Variants in NAA16 observed in about 807,000 individuals in gnomAD.
NAA16 encodes the protein NARG1-like protein.
In NAA16, 97 loss-of-function variants were observed where a neutral mutation model predicts 110.3. That is an observed-to-expected ratio of 0.88 (90% CI 0.75 to 1.04). NAA16 has a LOEUF of 1.04. Ranked by LOEUF, NAA16 falls within the 50% of genes least tolerant of loss-of-function variation. The pLI, the probability that NAA16 is intolerant of heterozygous loss-of-function variation, is 0.00. For missense variants in NAA16, 1,017 were observed against 1,005.1 expected, an observed-to-expected ratio of 1.01 and a Z score of -0.16; for synonymous variants, 372 against 330.6, an observed-to-expected ratio of 1.13 and a Z score of -1.36.
chr13:41,326,690 C>T (rs1327643560), intron 6 of NAA16, among the ~76,000 whole-genome samples: 1 of 152,116 alleles, frequency 6.6e-6, no homozygotes, highest in African/African-American at 2.4e-5. Flanking sequence ...TCAACACATT[C>T]CCTGACTTCA....
intron 4 of NAA16, 25 bp from the exon 5 acceptor site, chr13:41,323,031 T>C: frequency 1.2e-6 from 2 of 1,606,578 alleles, no homozygotes; most frequent in Non-Finnish European, 8.5e-7. Context: ...AGAGAATATT[T>C]AGCAAGTTAA....
At chr13:41,337,564 G>A (rs984867275) in intron 9 of NAA16, among the ~76,000 whole-genome samples, 14 of 149,154 alleles carry the variant, frequency 9.4e-5, no homozygotes, top group African/African-American at 2.2e-4. Context: ...AAAAAATTTC[G>A]AAAATAGGCA....
At chr13:41,345,445 T>C (rs189399324) in intron 9 of NAA16, among the ~76,000 whole-genome samples, 71 of 152,350 alleles carry the variant, frequency 4.7e-4, no homozygotes, top group African/African-American at 1.6e-3. Flanking sequence ...TATTATCTTT[T>C]ATGTGCTTAT....
At chr13:41,312,670 C>G (rs1195092389) in intron 1 of NAA16, among the ~76,000 whole-genome samples, 1 of 152,086 alleles carries the variant, frequency 6.6e-6, no homozygotes, top group Admixed American at 6.5e-5. Flanking sequence ...AAATAAAATA[C>G]TAATTTTAGA....
intron 4 of NAA16, among the ~76,000 whole-genome samples, chr13:41,321,647 C>T (rs543507595): frequency 6.6e-5 from 10 of 152,268 alleles, no homozygotes; most frequent in Non-Finnish European, 1.5e-4. Context: ...AGAAGGGTTG[C>T]CATAAATCAG....
chr13:41,338,460 A>G (rs757293851), intron 9 of NAA16, among the ~76,000 whole-genome samples: 27 of 152,214 alleles, frequency 1.8e-4, no homozygotes, highest in African/African-American at 5.8e-4. Context: ...AGAATACACT[A>G]ATTCATACAG....
At chr13:41,359,994 T>C (rs2043079472) in intron 12 of NAA16, among the ~76,000 whole-genome samples, 1 of 152,142 alleles carries the variant, frequency 6.6e-6, no homozygotes, top group Admixed American at 6.6e-5. Flanking sequence ...CATGTGCCTA[T>C]AGTCCCAGCT....
chr13:41,340,555 C>CCA (rs1402891021), intron 9 of NAA16, among the ~76,000 whole-genome samples: 1 of 149,074 alleles, frequency 6.7e-6, no homozygotes, highest in Non-Finnish European at 1.5e-5. Context: ...TTTCAAAGAA[C>CCA]ATCTTTATTT....
At chr13:41,372,694 G>T in intron 16 of NAA16, 38 bp from the exon 17 acceptor site, 1 of 1,559,588 alleles carries the variant, frequency 6.4e-7, no homozygotes, top group South Asian at 1.2e-5. Context: ...TACTGTGTAA[G>T]TATTAATGCT....
intron 7 of NAA16, 41 bp from the exon 8 acceptor site, chr13:41,331,233 G>A (rs780026755): frequency 8.0e-7 from 1 of 1,242,320 alleles, no homozygotes; most frequent in Non-Finnish European, 1.2e-6. Context: ...ATAGATAAAA[G>A]TTTTGATGCT....
At chr13:41,374,041 C>T (rs9525480) in intron 18 of NAA16, among the ~76,000 whole-genome samples, 144,266 of 152,310 alleles carry the variant, frequency 0.95, 68,396 homozygotes, top group South Asian at 0.99. Context: ...CGGGATTGAA[C>T]ATACAATATA....
chr13:41,369,009 ATAC>A, intron 14 of NAA16, 78 bp from the exon 15 acceptor site: 1 of 1,243,464 alleles, frequency 8.0e-7, no homozygotes, highest in South Asian at 1.6e-5. Flanking sequence ...AGGGACAACC[ATAC>A]TAACAGTATG....
At chr13:41,332,269 CAG>C (rs1452573481) in intron 8 of NAA16, among the ~76,000 whole-genome samples, 1 of 152,198 alleles carries the variant, frequency 6.6e-6, no homozygotes, top group Admixed American at 6.5e-5. Flanking sequence ...ATCATTCCCT[CAG>C]AGTTAACCAC....
At chr13:41,342,140 TCTC>T (rs1290615595) in intron 9 of NAA16, among the ~76,000 whole-genome samples, 7 of 127,676 alleles carry the variant, frequency 5.5e-5, no homozygotes, top group African/African-American at 1.8e-4. Flanking sequence ...CCTCTCTCTC[TCTC>T]TTTTTTTTTT....
intron 8 of NAA16, among the ~76,000 whole-genome samples, chr13:41,331,902 T>C (rs1201931541): frequency 6.6e-6 from 1 of 152,202 alleles, no homozygotes; most frequent in Non-Finnish European, 1.5e-5. Context: ...TATCATGTAC[T>C]GCCTAAATAT....
chr13:41,314,506 A>G (rs1780203252), intron 1 of NAA16, among the ~76,000 whole-genome samples: 2 of 152,174 alleles, frequency 1.3e-5, no homozygotes, highest in Admixed American at 6.5e-5. Context: ...TCCCTTCCCC[A>G]GAGGCTGTCA....
At chr13:41,317,112 A>G (rs185134232) in intron 2 of NAA16, among the ~76,000 whole-genome samples, 182 bp downstream of exon 2, 19 of 152,204 alleles carry the variant, frequency 1.2e-4, no homozygotes, top group East Asian at 3.9e-4. Flanking sequence ...ATCCTTAAGT[A>G]TGTATACTTA....
Position 41,340,647 on chromosome 13 carries a change from G to GTTTTTTTTTT in NAA16, c.1014+3926_1014+3935dup, listed in dbSNP as rs754237653. On this transcript the variant is annotated intron_variant, in intron 9 of 19. Transcript: ENST00000379406. ...CATATAGTTGTGCGGTTTTGAGTGAGTTTTTTTTTTTTTTTTTTTTTTTTT... is the reference window on the plus strand; with the variant it reads ...CATATAGTTGTGCGGTTTTGAGTGAGTTTTTTTTTTTTTTTTTTTTTTTTTTTTTTTTTTT... Among the ~76,000 whole-genome samples the GTTTTTTTTTT allele has an allele frequency of 1.6e-4, 7 of 43,598 alleles. 2 individuals are homozygous for GTTTTTTTTTT. Among genetic ancestry groups the GTTTTTTTTTT allele is most frequent in the Non-Finnish European group, 2.2e-4 (5 of 22,284 alleles). 28.6% of individuals were successfully genotyped at this position (43,598 alleles called of 152,430 possible). A position where few individuals can be genotyped will look rare whatever the true frequency, so the allele number is the denominator to read the frequency against.
At chr13:41,357,488 C>G (rs1007611205) in intron 10 of NAA16, among the ~76,000 whole-genome samples, 28 of 152,192 alleles carry the variant, frequency 1.8e-4, no homozygotes, top group African/African-American at 6.8e-4. Flanking sequence ...AAGCTTAACT[C>G]ATTGCCTTTA....
Sources: allele counts gnomAD v4.1 joint callset (sites outside exome capture counted in the v4.1 genomes callset), GRCh38; gene constraint gnomAD v4.1.1; transcripts MANE v1.5; gene names NCBI Gene and HGNC (gene_info 2026-07-23, HGNC 2026-07-21).